Variants in ASH1L observed in about 807,000 individuals in gnomAD.
ASH1L encodes histone-lysine N-methyltransferase ASH1L.
ASH1L carries 23 observed loss-of-function variants against 269.0 expected under a neutral mutation model. The observed-to-expected ratio is 0.09, with a 90% confidence interval of 0.06 to 0.12. The LOEUF (loss-of-function observed/expected upper bound fraction) is 0.12, where lower values mean the gene tolerates loss of function less well. ASH1L is among the 10% of genes least tolerant of loss of function. ASH1L has a pLI of 1.00. For synonymous variants in ASH1L, 1,187 were observed against 1,253.5 expected (o/e 0.95, Z 1.12); for missense variants, 2,912 against 3,567.8 (o/e 0.82, Z 4.68).
chr1:155,347,820 C>A lies in ASH1L; in HGVS notation c.7639G>T (p.Ala2547Ser), dbSNP rs771140745. 1 of 1,614,210 alleles carries A rather than the reference C, an allele frequency of 6.2e-7. No individual in the cohort carries two copies. The highest frequency in any genetic ancestry group is 8.5e-7 in the Non-Finnish European group (1 of 1,180,038). ...AYYNARHEAS[A>S]QIDEIVGETA... is the part of the protein sequence containing the mutation. ...TCTCCCACAATCTCATCAATCTGGG[C>A]TGATGCCTCATGCCGGGCATTGTAA... Residue 2547 changes from alanine to serine, a missense_variant, in exon 20 of 28, where the codon GCC (alanine) becomes TCC (serine). By Grantham distance (99) the Ala-to-Ser change is moderately conservative (BLOSUM62 1). Around this residue, in one of 13 missense-constraint regions of ASH1L, gnomAD observed 309 missense variants for 435.1 expected, o/e 0.71. Coordinates refer to ENST00000392403, the MANE Select transcript of ASH1L (RefSeq NM_018489.3).
At position 155,389,841 on chromosome 1, in the gene ASH1L, A is replaced by C. The variant is rs146229719; in HGVS notation, c.6103+5618T>G. On this transcript the variant is annotated intron_variant, in intron 7 of 27. Transcript: ENST00000392403. ...TACAATTGATTTTTTAATACTGATG[A>C]TTTTCCAGTAACCTTGCTGCTACTA... Among the ~76,000 whole-genome samples the C allele has an allele frequency of 5.2e-4, 74 of 142,482 alleles. No homozygotes were observed. In the East Asian group the frequency reaches 0.013, roughly 25 times the overall value. The allele number at this position is 142,482 out of a possible 152,430, so 93.5% of individuals were successfully genotyped here.
At position 155,478,620 on chromosome 1, in the gene ASH1L, AAAG is replaced by A. The variant is rs772496079; in HGVS notation, c.4247_4249del (p.Ser1416del). ...GGAAGGAGGTGGAAGTGGCGTGGTG[AAAG>A]AAGGAGATGGAGGAGGTGGATAAAG... On this transcript the variant is annotated inframe_deletion, in exon 3 of 28. Coordinates refer to ENST00000392403, the MANE Select transcript of ASH1L (RefSeq NM_018489.3). This position sits in a 1 kb window ranked among gnomAD's most constrained non-coding sequence, Gnocchi z 4.6. The A allele has an allele frequency of 2.4e-5, 38 of 1,613,906 alleles. No individual in the cohort carries two copies. Among genetic ancestry groups the A allele is most frequent in the Middle Eastern group, 1.6e-4 (1 of 6,084 alleles).
chr1:155,482,194 T>G lies in ASH1L; in HGVS notation c.676A>C (p.Thr226Pro). The change falls in exon 3 of 28, where the codon ACC becomes CCC. Residue 226 changes from threonine (T) to proline (P), a missense_variant. Transcript: ENST00000392403. Reference sequence around the variant, plus strand: ...TTGGAAGACTTGGAAGGAGGACAGGTAGCAATCAGCTGTGCCAACTTTTCT... The same window carrying G: ...TTGGAAGACTTGGAAGGAGGACAGGGAGCAATCAGCTGTGCCAACTTTTCT... Reference protein sequence around the residue: ...VTEKLAQLIATCPPSKSSKTK... With the variant: ...VTEKLAQLIAPCPPSKSSKTK... The G allele has an allele frequency of 1.9e-6, 3 of 1,614,200 alleles. No individual in the cohort carries two copies. The highest frequency in any genetic ancestry group is 2.5e-6 in the Non-Finnish European group (3 of 1,180,012).
At chr1:155,426,027 T>C (rs1661129273) in intron 5 of ASH1L, among the ~76,000 whole-genome samples, 1 of 152,032 alleles carries the variant, frequency 6.6e-6, no homozygotes, top group African/African-American at 2.4e-5. Flanking sequence ...TAGCTGGGAC[T>C]ACAGGCGCCT....
At chr1:155,520,954 G>A (rs925613196) in intron 2 of ASH1L, 146 bp downstream of exon 2, 9 of 761,640 alleles carry the variant, frequency 1.2e-5, no homozygotes, top group Non-Finnish European at 1.3e-5. Context: ...ACAAGCCTTG[G>A]GGCTTATTTT....
chr1:155,359,940 C>T (rs1244837542), intron 13 of ASH1L, among the ~76,000 whole-genome samples: 2 of 151,528 alleles, frequency 1.3e-5, no homozygotes, highest in East Asian at 1.9e-4. Context: ...CAGGCTGGAG[C>T]ACAGTGGTGC....
rs61213200 is a variant in ASH1L at position 155,357,078 on chromosome 1, T to TACACACACAC, written c.7055+228_7055+237dup. On this transcript the variant is annotated intron_variant, in intron 15 of 27. Transcript: ENST00000392403. ...GGGTGACAGAGTAAGATCCCAGCTC[T>TACACACACAC]ACACACACACACACACACACACACA... is the stretch of plus-strand genomic sequence containing the variant. 0.01 allele frequency among the ~76,000 whole-genome samples: 537 copies of TACACACACAC among 53,066 alleles called. 6 individuals are homozygous for TACACACACAC. In the East Asian group the frequency reaches 0.1, roughly 10 times the overall value. The allele number at this position is 53,066 out of a possible 152,430, so 34.8% of individuals were successfully genotyped here.
chr1:155,410,008 T>C (rs745922149), intron 6 of ASH1L, among the ~76,000 whole-genome samples: 5 of 151,028 alleles, frequency 3.3e-5, no homozygotes, highest in Middle Eastern at 3.4e-3. Flanking sequence ...CTGCTAAAAA[T>C]ACAAAAATTA....
chr1:155,531,148 A>G (rs955508818), intron 1 of ASH1L, among the ~76,000 whole-genome samples: 5 of 151,076 alleles, frequency 3.3e-5, no homozygotes, highest in African/African-American at 1.2e-4. Flanking sequence ...ATAAAGAGAG[A>G]CCCCCATCTC....
intron 1 of ASH1L, among the ~76,000 whole-genome samples, chr1:155,557,647 C>T (rs2148926146): frequency 6.6e-6 from 1 of 152,130 alleles, no homozygotes; most frequent in South Asian, 2.1e-4. Flanking sequence ...CCTGATGAGG[C>T]AGTCACTAAA....
chr1:155,493,993 T>C (rs1666985916), intron 2 of ASH1L, among the ~76,000 whole-genome samples: 1 of 152,150 alleles, frequency 6.6e-6, no homozygotes, highest in Admixed American at 6.6e-5. Flanking sequence ...GAGATGTCAT[T>C]GTAATGCATG....
At chr1:155,463,996 A>G (rs1444731638) in intron 3 of ASH1L, among the ~76,000 whole-genome samples, 1 of 152,096 alleles carries the variant, frequency 6.6e-6, no homozygotes, top group East Asian at 1.9e-4. Flanking sequence ...TAATTCACTG[A>G]CTCTTCGCCA....
At chr1:155,402,141 G>A (rs970924812) in intron 6 of ASH1L, among the ~76,000 whole-genome samples, 2 of 150,516 alleles carry the variant, frequency 1.3e-5, no homozygotes, top group African/African-American at 2.5e-5. Flanking sequence ...GCCAGACTCC[G>A]TCTCAAACAA....
intron 7 of ASH1L, among the ~76,000 whole-genome samples, chr1:155,386,809 T>TA (rs1657469518): frequency 6.6e-6 from 1 of 152,230 alleles, no homozygotes; most frequent in Non-Finnish European, 1.5e-5. Context: ...ATAGGTTGTT[T>TA]ACTCTGTTCA....
At chr1:155,438,199 G>A in intron 5 of ASH1L, 128 bp downstream of exon 5, 1 of 1,032,092 alleles carries the variant, frequency 9.7e-7, no homozygotes. Context: ...AACAGTTTTT[G>A]AAAAGAAATG....
chr1:155,556,775 G>A (rs1218812100), intron 1 of ASH1L, among the ~76,000 whole-genome samples: 2 of 152,106 alleles, frequency 1.3e-5, no homozygotes, highest in Non-Finnish European at 2.9e-5. Context: ...TTGCCCAGGT[G>A]TGGTAGCTCA....
At chr1:155,530,477 G>A (rs984329409) in intron 1 of ASH1L, among the ~76,000 whole-genome samples, 1 of 151,880 alleles carries the variant, frequency 6.6e-6, no homozygotes, top group Non-Finnish European at 1.5e-5. Flanking sequence ...TGTAATCCCA[G>A]CACTTTGGGA....
intron 1 of ASH1L, among the ~76,000 whole-genome samples, chr1:155,527,560 A>C (rs543901256): frequency 2.8e-4 from 37 of 130,854 alleles, no homozygotes; most frequent in Non-Finnish European, 5.2e-4. Flanking sequence ...TTTTTGAGTC[A>C]AGGTCTCTCT....
chr1:155,535,450 T>A (rs1323658501), intron 1 of ASH1L, among the ~76,000 whole-genome samples: 1 of 151,988 alleles, frequency 6.6e-6, no homozygotes, highest in East Asian at 1.9e-4. Flanking sequence ...AGAGACTTTT[T>A]ATTTCTAAAC....
Sources: allele counts gnomAD v4.1 joint callset (sites outside exome capture counted in the v4.1 genomes callset), GRCh38; gene constraint gnomAD v4.1.1; regional missense constraint gnomAD v4.1.1; non-coding constraint Gnocchi (gnomAD v3.1); transcripts MANE v1.5; gene names NCBI Gene and HGNC (gene_info 2026-07-23, HGNC 2026-07-21).